NAALADL2: variants seen among roughly 807,000 people sequenced by gnomAD.
NAALADL2 encodes the protein inactive N-acetylated-alpha-linked acidic dipeptidase-like protein 2.
NAALADL2 carries 76 observed loss-of-function variants against 87.2 expected under a neutral mutation model. The ratio of observed to expected loss-of-function variants is 0.87; its 90% CI spans 0.72 to 1.05. The LOEUF (loss-of-function observed/expected upper bound fraction) is 1.05, where lower values mean the gene tolerates loss of function less well. NAALADL2 is among the 50% of genes least tolerant of loss of function. The probability of loss-of-function intolerance (pLI) is 0.00; values close to 1 mark genes in which losing one functional copy is unlikely to be tolerated. For missense variants in NAALADL2, 1,089 were observed against 945.8 expected (o/e 1.15, Z -1.99); for synonymous variants, 354 against 331.0 (o/e 1.07, Z -0.75).
chr3:175,283,785 A>T (rs1238176329), intron 4 of NAALADL2, among the ~76,000 whole-genome samples: 1 of 147,386 alleles, frequency 6.8e-6, no homozygotes, highest in Non-Finnish European at 1.5e-5. Flanking sequence ...TCCAGTGGTT[A>T]TTTGGCCACC....
intron 1 of NAALADL2, among the ~76,000 whole-genome samples, chr3:174,538,407 C>G (rs187315077): frequency 6.6e-6 from 1 of 151,978 alleles, no homozygotes; most frequent in Non-Finnish European, 1.5e-5. Flanking sequence ...GCAGAGAACT[C>G]GAGACTGACA....
chr3:174,812,011 C>A (rs1720269254), intron 3 of NAALADL2, among the ~76,000 whole-genome samples: 1 of 152,122 alleles, frequency 6.6e-6, no homozygotes, highest in South Asian at 2.1e-4. Context: ...ATACCTGCTC[C>A]TGCTTTGCCT....
intron 5 of NAALADL2, among the ~76,000 whole-genome samples, chr3:175,402,171 T>C (rs1236122586): frequency 6.6e-6 from 1 of 152,098 alleles, no homozygotes; most frequent in Non-Finnish European, 1.5e-5. Flanking sequence ...GGGCACTGAA[T>C]GGGAACCAGT....
rs150099163 is a variant in NAALADL2, at chr3:175,097,119, G to A, written c.373G>A (p.Val125Ile). Residue 125 changes from valine (V) to isoleucine (I), a missense_variant, in exon 2 of 14, where the codon GTC becomes ATC. Physicochemically the swap from Val to Ile is conservative, Grantham distance 29. Coordinates refer to ENST00000454872, the MANE Select transcript of NAALADL2 (RefSeq NM_207015.3). ...PKSNRCNFCH[V>I]LKILCTATIL... The stretch of plus-strand genomic sequence containing the variant: ...GAGCAATCGCTGCAACTTTTGCCAC[G>A]TCTTAAAAATACTTTGCACAGCCAC... 7,486 of 1,613,652 alleles carry A rather than the reference G, an allele frequency of 4.6e-3. 48 individuals carry two copies. The highest frequency in any genetic ancestry group is 0.02 in the Middle Eastern group (121 of 6,060).
chr3:175,737,088 C>A (rs1744599475), intron 11 of NAALADL2, among the ~76,000 whole-genome samples: 1 of 151,980 alleles, frequency 6.6e-6, no homozygotes, highest in Non-Finnish European at 1.5e-5. Context: ...TTTCCTTATA[C>A]TATTCTGAGA....
At chr3:175,331,521 A>G (rs1218789711) in intron 5 of NAALADL2, among the ~76,000 whole-genome samples, 6 of 152,242 alleles carry the variant, frequency 3.9e-5, no homozygotes, top group African/African-American at 1.4e-4. Flanking sequence ...ACATATGGTC[A>G]CCTCAATAGA....
At chr3:174,789,255 C>G (rs1717173406) in intron 3 of NAALADL2, among the ~76,000 whole-genome samples, 1 of 152,078 alleles carries the variant, frequency 6.6e-6, no homozygotes, top group South Asian at 2.1e-4. Context: ...GGAGTCACCA[C>G]CTATTGTGAT....
chr3:175,368,572 AGTGTGTGT>A (rs3068008), intron 5 of NAALADL2, among the ~76,000 whole-genome samples: 2 of 149,534 alleles, frequency 1.3e-5, no homozygotes, highest in Non-Finnish European at 3.0e-5. Flanking sequence ...GGTGTGTGTG[AGTGTGTGT>A]GTGTGTGTGT....
In NAALADL2 at chr3:175,541,804, C is replaced by A. The variant is rs553906060; in HGVS notation, c.1654-34237C>A. On this transcript the variant is annotated intron_variant, in intron 9 of 13. Transcript: ENST00000454872. ...GTGGCATGATCTCAGCTCACTGCAA[C>A]CTTTGCCTCCCAGGTTCAAGTGATT... Among the ~76,000 whole-genome samples, 44 of 152,240 alleles carry A rather than the reference C, an allele frequency of 2.9e-4. 1 individual carries two copies. The South Asian group carries it at 6.2e-3, about 21-fold the overall frequency.
At chr3:175,211,535 T>A (rs1560170774) in intron 2 of NAALADL2, among the ~76,000 whole-genome samples, 1 of 151,932 alleles carries the variant, frequency 6.6e-6, no homozygotes, top group Non-Finnish European at 1.5e-5. Context: ...CACTTACATA[T>A]TTTACTTATA....
chr3:174,774,939 T>C (rs1210566486), intron 3 of NAALADL2, among the ~76,000 whole-genome samples: 2 of 152,134 alleles, frequency 1.3e-5, no homozygotes, highest in African/African-American at 4.8e-5. Context: ...GGTTTTTACT[T>C]CAGTTCTCAC....
chr3:174,715,310 G>A (rs2108931031), intron 2 of NAALADL2, among the ~76,000 whole-genome samples: 1 of 152,254 alleles, frequency 6.6e-6, no homozygotes, highest in Non-Finnish European at 1.5e-5. Context: ...TATTGCATAA[G>A]TTTAGAAATT....
intron 1 of NAALADL2, among the ~76,000 whole-genome samples, chr3:174,884,327 T>C (rs1347398835): frequency 6.6e-6 from 1 of 152,172 alleles, no homozygotes; most frequent in African/African-American, 2.4e-5. Flanking sequence ...GAACTTTGTG[T>C]CCCAGCCCTG....
chr3:175,196,636 T>C (rs1051932415), intron 2 of NAALADL2, among the ~76,000 whole-genome samples: 7 of 151,996 alleles, frequency 4.6e-5, no homozygotes, highest in Non-Finnish European at 8.8e-5. Flanking sequence ...TCTATAGATA[T>C]GCCTTTCTTA....
At chr3:175,546,316 A>G (rs1474405248) in intron 9 of NAALADL2, among the ~76,000 whole-genome samples, 1 of 152,100 alleles carries the variant, frequency 6.6e-6, no homozygotes, top group Non-Finnish European at 1.5e-5. Flanking sequence ...TGAAGACACC[A>G]TACCAATGGT....
At chr3:174,902,994 G>A (rs778674539) in intron 1 of NAALADL2, among the ~76,000 whole-genome samples, 5 of 152,046 alleles carry the variant, frequency 3.3e-5, no homozygotes, top group Non-Finnish European at 7.4e-5. Flanking sequence ...GGGCAAAACT[G>A]ATACTTGCCA....
At chr3:174,957,823 C>T (rs2108540392) in intron 1 of NAALADL2, among the ~76,000 whole-genome samples, 1 of 152,006 alleles carries the variant, frequency 6.6e-6, no homozygotes, top group South Asian at 2.1e-4. Flanking sequence ...CTCAGTGTGT[C>T]TAAATTAGAT....
At position 175,804,663 on chromosome 3, in the gene NAALADL2, G is replaced by A. The variant is rs1279572277; in HGVS notation, c.*1460G>A. On this transcript the variant is annotated 3_prime_UTR_variant, in exon 14 of 14. Coordinates refer to ENST00000454872, the MANE Select transcript of NAALADL2 (RefSeq NM_207015.3). ...GCCAGAGTGACATTGCAGACAGTCT[G>A]TGTATGTTTAAATTTTCACTTTTTA... is the stretch of plus-strand genomic sequence containing the variant. The A allele has an allele frequency of 2.6e-5, 4 of 151,674 alleles. No homozygotes were observed. Among genetic ancestry groups the A allele is most frequent in the Non-Finnish European group, 4.4e-5 (3 of 67,798 alleles). 9.4% of individuals were successfully genotyped at this position (151,674 alleles called of 1,614,324 possible). A position where few individuals can be genotyped will look rare whatever the true frequency, so the allele number is the denominator to read the frequency against.
intron 6 of NAALADL2, among the ~76,000 whole-genome samples, chr3:175,461,991 G>A (rs1335437683): frequency 6.6e-6 from 1 of 152,138 alleles, no homozygotes; most frequent in African/African-American, 2.4e-5. Flanking sequence ...GGATTTTAGA[G>A]TAGTGAAGCT....
Sources: gnomAD v4.1 joint callset for allele counts (sites outside exome capture counted in the v4.1 genomes callset) on GRCh38, gnomAD v4.1.1 for gene constraint, MANE v1.5 for transcripts, NCBI Gene and HGNC (gene_info 2026-07-23, HGNC 2026-07-21) for gene names.